CEP135: variants seen among roughly 807,000 people sequenced by gnomAD.
The protein encoded by CEP135 is centrosomal protein 135.
In CEP135, 142 loss-of-function variants were observed where a neutral mutation model predicts 157.3. The observed-to-expected ratio is 0.90, with a 90% confidence interval of 0.79 to 1.04. The LOEUF is 1.04. Ranked by LOEUF, CEP135 falls within the 50% of genes least tolerant of loss-of-function variation. The probability of loss-of-function intolerance (pLI) is 0.00; values close to 1 mark genes in which losing one functional copy is unlikely to be tolerated. For missense variants in CEP135, 1,317 were observed against 1,309.2 expected (o/e 1.01, Z -0.09); for synonymous variants, 396 against 439.8 (o/e 0.90, Z 1.25).
At chr4:56,011,162 A>C (rs1379804778) in intron 19 of CEP135, among the ~76,000 whole-genome samples, 1 of 152,074 alleles carries the variant, frequency 6.6e-6, no homozygotes, top group Admixed American at 6.6e-5. Flanking sequence ...TTGAGCCCAG[A>C]AGGTCGAGGC....
chr4:55,998,933 G>T (rs1410208166), intron 15 of CEP135, among the ~76,000 whole-genome samples: 1 of 152,142 alleles, frequency 6.6e-6, no homozygotes, highest in Non-Finnish European at 1.5e-5. Flanking sequence ...TGAAATGCCA[G>T]GTCATACTGT....
At chr4:56,013,244 A>C (rs1011239664) in intron 21 of CEP135, among the ~76,000 whole-genome samples, 3 of 152,096 alleles carry the variant, frequency 2.0e-5, no homozygotes, top group African/African-American at 7.2e-5. Context: ...AGATTGTTTT[A>C]AATTGTTGTT....
chr4:55,968,880 G>C (rs959923223), intron 8 of CEP135, among the ~76,000 whole-genome samples, 183 bp from the exon 9 acceptor site: 2 of 152,134 alleles, frequency 1.3e-5, no homozygotes, highest in African/African-American at 4.8e-5. Context: ...AAACATTCGG[G>C]ATACCAAAAG....
At chr4:55,965,989 T>G (rs1728832880) in intron 8 of CEP135, 130 bp downstream of exon 8, 2 of 746,028 alleles carry the variant, frequency 2.7e-6, no homozygotes, top group East Asian at 2.7e-5. Context: ...TTTTTTTGCT[T>G]TGGTAATTCA....
intron 17 of CEP135, among the ~76,000 whole-genome samples, chr4:56,006,103 G>C (rs569458416): frequency 6.6e-6 from 1 of 152,018 alleles, no homozygotes. Flanking sequence ...TCTGACCTTC[G>C]TACACCAGGA....
chr4:55,993,461 T>C (rs1295609325), intron 15 of CEP135, among the ~76,000 whole-genome samples: 1 of 152,208 alleles, frequency 6.6e-6, no homozygotes, highest in Admixed American at 6.5e-5. Flanking sequence ...TTTTGTTCTT[T>C]TGCTTCTCTG....
chr4:55,954,440 A>T, intron 4 of CEP135, 57 bp downstream of exon 4: 1 of 1,426,424 alleles, frequency 7.0e-7, no homozygotes, highest in Middle Eastern at 2.1e-4. Context: ...AACGATATTA[A>T]CACCATTGAC....
chr4:56,000,857 T>G (rs1453404093), intron 17 of CEP135, among the ~76,000 whole-genome samples: 3 of 152,200 alleles, frequency 2.0e-5, no homozygotes, highest in Non-Finnish European at 1.5e-5. Context: ...TGTACTAATT[T>G]ACATTCCCAC....
chr4:56,020,918 C>T (rs1018073123), intron 24 of CEP135, 138 bp downstream of exon 24: 26 of 591,876 alleles, frequency 4.4e-5, no homozygotes, highest in Admixed American at 7.1e-5. Context: ...GGTAATTCTT[C>T]CTTTTAAAAA....
rs554271841 is a variant in CEP135 at position 55,995,308 on chromosome 4, G to A, written c.2009+3223G>A. 1.4e-4 allele frequency among the ~76,000 whole-genome samples: 22 copies of A among 152,176 alleles called. No homozygotes were observed. In the South Asian group the frequency reaches 3.5e-3, roughly 24 times the overall value. ...TTAGACTAAGCTTATCCAACCCACC[G>A]TATTTTGTTGTTGTCTGTTTTGTTT... On this transcript the variant is annotated intron_variant, in intron 15 of 25. Coordinates refer to ENST00000257287, the MANE Select transcript of CEP135 (RefSeq NM_025009.5).
rs1422885725 is a variant in CEP135 at position 55,959,617 on chromosome 4, G to A, written c.615-65G>A. On this transcript the variant is annotated intron_variant, in intron 5 of 25. Coordinates refer to ENST00000257287, the MANE Select transcript of CEP135 (RefSeq NM_025009.5). ...TAGAATTTATGAAATAACACATCTA[G>A]CTTCGTTTCTTATTTTGTATTTCTT... 7 of 1,347,582 alleles carry A rather than the reference G, an allele frequency of 5.2e-6. No individual in the cohort carries two copies. The African/African-American group carries it at 8.7e-5, about 17-fold the overall frequency. The allele number at this position is 1,347,582 out of a possible 1,614,324, so 83.5% of individuals were successfully genotyped here. A position where few individuals can be genotyped will look rare whatever the true frequency, so the allele number is the denominator to read the frequency against.
intron 8 of CEP135, among the ~76,000 whole-genome samples, chr4:55,967,036 A>G (rs938276235): frequency 5.9e-5 from 9 of 152,062 alleles, no homozygotes; most frequent in Middle Eastern, 3.2e-3. Context: ...TTATGCTTGA[A>G]AATCTTTTCA....
chr4:56,012,040 A>T, intron 21 of CEP135, 55 bp downstream of exon 21: 1 of 1,030,948 alleles, frequency 9.7e-7, no homozygotes, highest in Non-Finnish European at 1.3e-6. Context: ...GAAAACATTC[A>T]AAGATACTTT....
At chr4:56,028,407 A>C (rs1264659307) in intron 25 of CEP135, among the ~76,000 whole-genome samples, 2 of 152,206 alleles carry the variant, frequency 1.3e-5, no homozygotes, top group Admixed American at 1.3e-4. Flanking sequence ...AATTACAATA[A>C]TTCTAGTACA....
chr4:56,028,271 T>C (rs1487658992), intron 25 of CEP135, among the ~76,000 whole-genome samples: 1 of 152,210 alleles, frequency 6.6e-6, no homozygotes, highest in Non-Finnish European at 1.5e-5. Flanking sequence ...ATGGTAATTC[T>C]GTTAAACTTT....
intron 2 of CEP135, 173 bp downstream of exon 2, chr4:55,952,416 C>T: frequency 1.8e-6 from 1 of 541,912 alleles, no homozygotes. Context: ...CGGCAGAACT[C>T]TAAAGGCCAC....
intron 23 of CEP135, among the ~76,000 whole-genome samples, chr4:56,020,279 T>G (rs1349702546): frequency 6.6e-6 from 1 of 152,078 alleles, no homozygotes; most frequent in Non-Finnish European, 1.5e-5. Context: ...AATAGAAGGA[T>G]TTAGACATAT....
At chr4:55,993,322 A>G (rs1729857305) in intron 15 of CEP135, among the ~76,000 whole-genome samples, 1 of 152,238 alleles carries the variant, frequency 6.6e-6, no homozygotes, top group African/African-American at 2.4e-5. Flanking sequence ...TTAGGAAAAG[A>G]AAAGTCTGAG....
intron 14 of CEP135, among the ~76,000 whole-genome samples, chr4:55,991,184 G>A (rs949845308): frequency 6.6e-6 from 1 of 152,042 alleles, no homozygotes; most frequent in African/African-American, 2.4e-5. Flanking sequence ...CACCGTGCTA[G>A]CCAGGATAGT....
Sources: gnomAD v4.1 joint callset for allele counts (sites outside exome capture counted in the v4.1 genomes callset) on GRCh38, gnomAD v4.1.1 for gene constraint, MANE v1.5 for transcripts, NCBI Gene and HGNC (gene_info 2026-07-23, HGNC 2026-07-21) for gene names.